STAB2: variants seen among roughly 807,000 people sequenced by gnomAD.
STAB2 encodes stabilin-2.
In STAB2, 288 loss-of-function variants were observed where a neutral mutation model predicts 338.1. That is an observed-to-expected ratio of 0.85 (90% CI 0.77 to 0.94). The LOEUF (loss-of-function observed/expected upper bound fraction) is 0.94, where lower values mean the gene tolerates loss of function less well. Ranked by LOEUF, STAB2 falls within the 40% of genes least tolerant of loss-of-function variation. STAB2 has a pLI of 0.00. For missense variants in STAB2, 3,141 were observed against 3,210.1 expected (o/e 0.98, Z 0.52); for synonymous variants, 1,202 against 1,193.3 (o/e 1.01, Z -0.15).
chr12:103,599,846 G>A (rs2138557826), intron 3 of STAB2, among the ~76,000 whole-genome samples: 1 of 152,266 alleles, frequency 6.6e-6, no homozygotes, highest in East Asian at 1.9e-4. Context: ...TCTGTCTTTT[G>A]TGTTTCTCAG....
chr12:103,649,254 G>A (rs1441593709), intron 10 of STAB2, among the ~76,000 whole-genome samples: 1 of 152,218 alleles, frequency 6.6e-6, no homozygotes, highest in Non-Finnish European at 1.5e-5. Context: ...CCTCAGTGGA[G>A]GGGCTGTTTG....
Position 103,692,829 on chromosome 12 carries a change from G to A in STAB2, c.3315G>A (p.Gly1105=). 1 of 1,613,478 alleles carries A rather than the reference G, an allele frequency of 6.2e-7. No homozygotes were observed. The highest frequency in any genetic ancestry group is 8.5e-7 in the Non-Finnish European group (1 of 1,179,640). The change falls in exon 31 of 69, where the codon GGG becomes GGA. Residue 1105 remains glycine, a synonymous_variant. Transcript: ENST00000388887. ...ATTTACAGAATATCACAATTGAAGG[G>A]GCCTCCATTGTCGATGGGGACAACG... ...AKVDGNITIE[G]ASIVDGDNAA...
chr12:103,713,794 G>A, intron 42 of STAB2, 26 bp downstream of exon 42: 1 of 1,612,324 alleles, frequency 6.2e-7, no homozygotes, highest in Non-Finnish European at 8.5e-7. Flanking sequence ...TCTTCCATCG[G>A]CGAAATGGTA....
At chr12:103,595,706 A>AT (rs1229769871) in intron 3 of STAB2, among the ~76,000 whole-genome samples, 1 of 152,172 alleles carries the variant, frequency 6.6e-6, no homozygotes, top group Non-Finnish European at 1.5e-5. Flanking sequence ...TTTTATCCCC[A>AT]TTTTGCCTAT....
intron 58 of STAB2, among the ~76,000 whole-genome samples, chr12:103,748,030 A>G (rs1339458024): frequency 6.6e-6 from 1 of 151,944 alleles, no homozygotes; most frequent in Admixed American, 6.6e-5. Flanking sequence ...GAAGAAGAAG[A>G]AAACAGAGAC....
intron 5 of STAB2, among the ~76,000 whole-genome samples, chr12:103,629,552 C>T (rs1252891224): frequency 6.6e-6 from 1 of 152,172 alleles, no homozygotes; most frequent in East Asian, 1.9e-4. Context: ...TGTTTGGAGA[C>T]CACTGAGATG....
chr12:103,715,766 G>A (rs1449852695), intron 42 of STAB2, 49 bp from the exon 43 acceptor site: 1 of 1,610,712 alleles, frequency 6.2e-7, no homozygotes, highest in Non-Finnish European at 8.5e-7. Flanking sequence ...GGCTTCACTT[G>A]GAAACCAGAC....
chr12:103,673,632 A>G (rs1180621931), intron 22 of STAB2, among the ~76,000 whole-genome samples: 2 of 152,208 alleles, frequency 1.3e-5, no homozygotes, highest in Non-Finnish European at 2.9e-5. Flanking sequence ...TACAGGCATG[A>G]GCCACCATGC....
In STAB2 at chr12:103,713,631, C is replaced by A; in HGVS notation, c.4412-12C>A. The A allele has an allele frequency of 1.9e-6, 3 of 1,613,458 alleles. No homozygotes were observed. The highest frequency in any genetic ancestry group is 2.5e-6 in the Non-Finnish European group (3 of 1,179,612). ...TTCCCTCTCCCCTTCTGCTCTGTGT[C>A]ATCTTCTATAGCAATCAATGCCTGT... On this transcript the variant is annotated splice_polypyrimidine_tract_variant and intron_variant, in intron 41 of 68. Transcript: ENST00000388887.
intron 5 of STAB2, among the ~76,000 whole-genome samples, chr12:103,626,745 T>TGTAA (rs976867356): frequency 2.6e-5 from 4 of 152,208 alleles, no homozygotes; most frequent in African/African-American, 9.6e-5. Context: ...CCATTCTGCC[T>TGTAA]GTAAGTAGGA....
chr12:103,599,218 AG>A (rs1187439403), intron 3 of STAB2, among the ~76,000 whole-genome samples: 1 of 152,242 alleles, frequency 6.6e-6, no homozygotes, highest in African/African-American at 2.4e-5. Flanking sequence ...GTTACAGAGA[AG>A]TCCCTGGTCT....
chr12:103,686,370 T>C (rs1010730561), intron 27 of STAB2, among the ~76,000 whole-genome samples: 1 of 152,180 alleles, frequency 6.6e-6, no homozygotes, highest in African/African-American at 2.4e-5. Flanking sequence ...CACAACATTT[T>C]CTCTGCACTA....
intron 6 of STAB2, among the ~76,000 whole-genome samples, chr12:103,635,875 C>T (rs1168387043): frequency 1.3e-5 from 2 of 152,174 alleles, no homozygotes; most frequent in Non-Finnish European, 2.9e-5. Context: ...AGATTTCCAG[C>T]AAATATTGTC....
intron 26 of STAB2, among the ~76,000 whole-genome samples, chr12:103,683,564 G>C (rs755747327): frequency 6.6e-6 from 1 of 152,170 alleles, no homozygotes; most frequent in Non-Finnish European, 1.5e-5. Flanking sequence ...TTAAGCACAA[G>C]TAAGTCCCAA....
intron 10 of STAB2, among the ~76,000 whole-genome samples, chr12:103,649,933 T>C (rs1873613849): frequency 1.3e-5 from 2 of 152,134 alleles, no homozygotes; most frequent in South Asian, 4.1e-4. Flanking sequence ...ACACTGCCTC[T>C]GGGTGTGAGA....
At chr12:103,726,890 C>T (rs1410087595) in intron 46 of STAB2, among the ~76,000 whole-genome samples, 1 of 152,016 alleles carries the variant, frequency 6.6e-6, no homozygotes, top group African/African-American at 2.4e-5. Context: ...AGTATATCAA[C>T]TCACGTTTTA....
At chr12:103,669,897 G>C (rs367799176) in intron 21 of STAB2, among the ~76,000 whole-genome samples, 24 of 152,286 alleles carry the variant, frequency 1.6e-4, no homozygotes, top group African/African-American at 5.5e-4. Flanking sequence ...TGGGCCTCAC[G>C]TTCCTCCTGT....
chr12:103,594,395 G>T lies in STAB2; in HGVS notation c.216G>T (p.Arg72Ser). 6.2e-7 allele frequency: 1 copy of T among 1,613,038 alleles called. No individual in the cohort carries two copies. Among genetic ancestry groups the T allele is most frequent in the Non-Finnish European group, 8.5e-7 (1 of 1,179,162 alleles). Reference sequence around the variant, plus strand: ...TAATGTCCTCTCTTTACCCTCCAAGGTACACCTTTGAGGTCAGAACATACT... The same window carrying T: ...TAATGTCCTCTCTTTACCCTCCAAGTTACACCTTTGAGGTCAGAACATACT... Reference protein sequence around the residue: ...TSGSVGVRDCRYTFEVRTYSL... With the variant: ...TSGSVGVRDCSYTFEVRTYSL... Residue 72 changes from arginine (R) to serine (S), a missense_variant and splice_region_variant, in exon 3 of 69, where the codon AGG becomes AGT. Arg to Ser is a moderately radical substitution (Grantham distance 110). Transcript: ENST00000388887.
At chr12:103,614,465 C>T (rs981744740) in intron 3 of STAB2, among the ~76,000 whole-genome samples, 4 of 152,192 alleles carry the variant, frequency 2.6e-5, no homozygotes, top group African/African-American at 9.7e-5. Context: ...ACCAAAATAA[C>T]CTAACTGCTG....
Sources: gnomAD v4.1 joint callset for allele counts (sites outside exome capture counted in the v4.1 genomes callset) on GRCh38, gnomAD v4.1.1 for gene constraint, MANE v1.5 for transcripts, NCBI Gene and HGNC (gene_info 2026-07-23, HGNC 2026-07-21) for gene names.